The following RAB11FIP5 variants were observed in gnomAD, a reference collection of about 807,000 sequenced individuals.
RAB11FIP5 encodes rab11 family-interacting protein 5.
Under a neutral mutation model 85.1 loss-of-function variants are expected in RAB11FIP5, and 48 were observed. The ratio of observed to expected loss-of-function variants is 0.56; its 90% CI spans 0.45 to 0.72. The LOEUF (loss-of-function observed/expected upper bound fraction) is 0.72, where lower values mean the gene tolerates loss of function less well. Ranked by LOEUF, RAB11FIP5 falls within the 30% of genes least tolerant of loss-of-function variation. RAB11FIP5 has a pLI of 0.00. For synonymous variants in RAB11FIP5, 729 were observed against 727.3 expected (o/e 1.00, Z -0.04); for missense variants, 1,491 against 1,687.0 (o/e 0.88, Z 2.04).
At position 73,080,725 on chromosome 2, in the gene RAB11FIP5, T is replaced by C; in HGVS notation, c.2507A>G (p.Asp836Gly). ...AGCTGCAGGAGAAATGGTGACCACA[T>C]CCCAAGGCCAGGCATCATCAGCTGT... ...VETADDAWPWDVVTISPAAET... is the reference protein window; with the variant it reads ...VETADDAWPWGVVTISPAAET... Residue 836 changes from aspartate to glycine, a missense_variant, in exon 4 of 6, where the codon GAT becomes GGT. This residue lies in a region of RAB11FIP5 where 1,211 missense variants were observed against 1,338.0 expected (regional missense o/e 0.91). Transcript: ENST00000486777. 1 of 1,232,536 alleles carries C rather than the reference T, an allele frequency of 8.1e-7. No homozygotes were observed. Among genetic ancestry groups the C allele is most frequent in the Non-Finnish European group, 1.0e-6 (1 of 988,102 alleles). 76.3% of individuals were successfully genotyped at this position (1,232,536 alleles called of 1,614,324 possible). A position where few individuals can be genotyped will look rare whatever the true frequency, so the allele number is the denominator to read the frequency against.
At chr2:73,095,651 G>A (rs1207782247) in intron 1 of RAB11FIP5, among the ~76,000 whole-genome samples, 1 of 152,248 alleles carries the variant, frequency 6.6e-6, no homozygotes, top group Non-Finnish European at 1.5e-5. Flanking sequence ...GAGATGGTTT[G>A]TAAGTTGCCC....
chr2:73,076,082 C>G lies in RAB11FIP5; in HGVS notation c.3682G>C (p.Glu1228Gln). ...SLSIALSSGLEKLKTVTSGSI... is the reference protein window; with the variant it reads ...SLSIALSSGLQKLKTVTSGSI... ...CCAGATGTGACTGTTTTGAGCTTCT[C>G]CAGCCCACTGCTCAGGGCTATGCTC... The change falls in exon 5 of 6, where the codon GAG (glutamate) becomes CAG (glutamine). Residue 1228 changes from glutamate (E) to glutamine (Q), a missense_variant. Physicochemically the swap from Glu to Gln is conservative, Grantham distance 29. Around this residue, in one of 3 missense-constraint regions of RAB11FIP5, gnomAD observed 232 missense variants for 259.1 expected, o/e 0.90. Coordinates refer to ENST00000486777, the MANE Select transcript of RAB11FIP5 (RefSeq NM_001371272.1). 6.2e-7 allele frequency: 1 copy of G among 1,614,182 alleles called. No homozygotes were observed. The highest frequency in any genetic ancestry group is 8.5e-7 in the Non-Finnish European group (1 of 1,179,990).
chr2:73,076,671 GC>G (rs1683869819), intron 4 of RAB11FIP5, among the ~76,000 whole-genome samples: 1 of 152,156 alleles, frequency 6.6e-6, no homozygotes, highest in Non-Finnish European at 1.5e-5. Context: ...TGGTCAACCA[GC>G]TCTCTCTAGG....
At chr2:73,092,789 T>TGG (rs1460512415) in intron 1 of RAB11FIP5, among the ~76,000 whole-genome samples, 1 of 152,172 alleles carries the variant, frequency 6.6e-6, no homozygotes, top group Non-Finnish European at 1.5e-5. Context: ...AAATGGAGAA[T>TGG]GGCCAGGACC....
At chr2:73,106,910 C>A (rs529017204) in intron 1 of RAB11FIP5, among the ~76,000 whole-genome samples, 2 of 152,276 alleles carry the variant, frequency 1.3e-5, no homozygotes, top group South Asian at 4.1e-4. Flanking sequence ...CCCTCCCCAC[C>A]CTGCAGCTTC....
chr2:73,094,618 T>C (rs1023300283), intron 1 of RAB11FIP5, among the ~76,000 whole-genome samples: 3 of 152,176 alleles, frequency 2.0e-5, no homozygotes, highest in Non-Finnish European at 1.5e-5. Flanking sequence ...CCAGACCCCA[T>C]GTGGGAACCA....
rs760183105 is a variant in RAB11FIP5, at chr2:73,075,508, A to G, written c.*13T>C. 1.7e-5 allele frequency: 28 copies of G among 1,611,512 alleles called. No homozygotes were observed. The East Asian group carries it at 5.8e-4, about 33-fold the overall frequency. On this transcript the variant is annotated 3_prime_UTR_variant, in exon 6 of 6. Coordinates refer to ENST00000486777, the MANE Select transcript of RAB11FIP5 (RefSeq NM_001371272.1). The surrounding 1 kb of genome is among the most constrained non-coding windows in gnomAD (Gnocchi z 4.6). Reference sequence around the variant, plus strand: ...GGTCCATGCCAACCCTCCTGGGGGTAGGGTGAGGAAGGCTATTTGGGGGGG... The same window carrying G: ...GGTCCATGCCAACCCTCCTGGGGGTGGGGTGAGGAAGGCTATTTGGGGGGG...
At chr2:73,111,874 C>T (rs1020838732) in intron 1 of RAB11FIP5, among the ~76,000 whole-genome samples, 6 of 152,304 alleles carry the variant, frequency 3.9e-5, no homozygotes, top group African/African-American at 1.4e-4. Flanking sequence ...AATCAACATT[C>T]AACCTCGCCC....
At chr2:73,109,235 G>A in intron 1 of RAB11FIP5, among the ~76,000 whole-genome samples, 1 of 152,114 alleles carries the variant, frequency 6.6e-6, no homozygotes, top group East Asian at 1.9e-4. Flanking sequence ...TTATTTGGAA[G>A]CCTCTGGTGA....
intron 1 of RAB11FIP5, among the ~76,000 whole-genome samples, chr2:73,109,094 G>A (rs982881825): frequency 6.6e-5 from 10 of 152,056 alleles, no homozygotes; most frequent in Non-Finnish European, 1.3e-4. Flanking sequence ...AAAATAAATC[G>A]CAGAGAAGCA....
At chr2:73,093,654 A>T (rs1026383752) in intron 1 of RAB11FIP5, among the ~76,000 whole-genome samples, 27 of 152,128 alleles carry the variant, frequency 1.8e-4, no homozygotes, top group Non-Finnish European at 1.2e-4. Flanking sequence ...TCAGGTGGGG[A>T]CAACCATCCT....
Position 73,088,865 on chromosome 2 carries a change from C to A in RAB11FIP5, c.868+14G>T. 6.4e-7 allele frequency: 1 copy of A among 1,554,990 alleles called. No individual in the cohort carries two copies. The highest frequency in any genetic ancestry group is 2.3e-5 in the East Asian group (1 of 44,414). On this transcript the variant is annotated intron_variant, in intron 2 of 5. Coordinates refer to ENST00000486777, the MANE Select transcript of RAB11FIP5 (RefSeq NM_001371272.1). ...TGCCCCCCTCCCCAGGGCGGCGGCC[C>A]TGTGCTTGCTCACCCCCTTCAGTGG... is the stretch of plus-strand genomic sequence containing the variant.
intron 1 of RAB11FIP5, among the ~76,000 whole-genome samples, chr2:73,094,457 C>T (rs765049903): frequency 6.6e-6 from 1 of 152,258 alleles, no homozygotes; most frequent in Admixed American, 6.5e-5. Context: ...GCTGTAGCAC[C>T]CAAACCTGCT....
chr2:73,112,520 C>A lies in RAB11FIP5; in HGVS notation c.258G>T (p.Leu86=). 6.6e-7 allele frequency: 1 copy of A among 1,515,416 alleles called. No individual in the cohort carries two copies. Among genetic ancestry groups the A allele is most frequent in the South Asian group, 1.2e-5 (1 of 80,138 alleles). 93.9% of individuals were successfully genotyped at this position (1,515,416 alleles called of 1,614,324 possible). A position where few individuals can be genotyped will look rare whatever the true frequency, so the allele number is the denominator to read the frequency against. ...GGCCCGCGTCGGCCTCCTGCGCCCGCAGCAGGCCATCCAGGGCCCCCGGCG... is the reference window on the plus strand; with the variant it reads ...GGCCCGCGTCGGCCTCCTGCGCCCGAAGCAGGCCATCCAGGGCCCCCGGCG... ...ELPPGALDGL[L]RAQEADAGPA... The change falls in exon 1 of 6, where the codon CTG becomes CTT. Residue 86 remains leucine, a synonymous_variant. Transcript: ENST00000486777.
In RAB11FIP5 at chr2:73,089,019, G is replaced by A. The variant is rs1215495028; in HGVS notation, c.728C>T (p.Ser243Leu). Reference protein sequence around the residue: ...GFFLRNKLRKSSLTQSNTSLG... With the variant: ...GFFLRNKLRKLSLTQSNTSLG... ...CGAGGTGTTGGACTGGGTCAGGGACGACTTGCGCAGCTTGTTGCGGAGGAA... is the reference window on the plus strand; with the variant it reads ...CGAGGTGTTGGACTGGGTCAGGGACAACTTGCGCAGCTTGTTGCGGAGGAA... The change falls in exon 2 of 6, where the codon TCG (serine) becomes TTG (leucine). Residue 243 changes from serine to leucine, a missense_variant. Physicochemically the swap from Ser to Leu is moderately radical, Grantham distance 145. Transcript: ENST00000486777. The surrounding 1 kb of genome is among the most constrained non-coding windows in gnomAD (Gnocchi z 4.6). 6.2e-6 allele frequency: 10 copies of A among 1,614,106 alleles called. No homozygotes were observed. The East Asian group carries it at 1.1e-4, about 18-fold the overall frequency.
chr2:73,077,226 T>G (rs951434523), intron 4 of RAB11FIP5, among the ~76,000 whole-genome samples: 2 of 152,076 alleles, frequency 1.3e-5, no homozygotes, highest in Non-Finnish European at 2.9e-5. Context: ...CCGCCACACC[T>G]CCTCTGTGCT....
chr2:73,088,827 A>G, intron 2 of RAB11FIP5, 52 bp downstream of exon 2: 2 of 1,536,918 alleles, frequency 1.3e-6, no homozygotes, highest in South Asian at 1.3e-5. Context: ...TCACCACCCA[A>G]GGGGAGAGCC....
In RAB11FIP5 at chr2:73,112,607, C is replaced by T. The variant is rs766122683; in HGVS notation, c.171G>A (p.Thr57=). The change falls in exon 1 of 6, where the codon ACG becomes ACA. Residue 57 remains threonine, a synonymous_variant. Transcript: ENST00000486777. ...AGCCGTGCGTCTTCTCCACCACCGA[C>T]GTACTGTACTTCTCGCGGCCCACCT... ...VIQVGREKYS[T]SVVEKTHGCP... is the part of the protein sequence containing the mutation. The T allele has an allele frequency of 6.9e-6, 11 of 1,601,342 alleles. No individual in the cohort carries two copies. Among genetic ancestry groups the T allele is most frequent in the Admixed American group, 1.7e-5 (1 of 59,062 alleles).
intron 1 of RAB11FIP5, among the ~76,000 whole-genome samples, chr2:73,099,995 G>T (rs971701241): frequency 2.0e-5 from 3 of 152,196 alleles, no homozygotes; most frequent in Admixed American, 6.5e-5. Flanking sequence ...ACTTAGTCAA[G>T]ACAATTGAGC....
Sources: gnomAD v4.1 joint callset for allele counts (sites outside exome capture counted in the v4.1 genomes callset) on GRCh38, gnomAD v4.1.1 for gene constraint, gnomAD v4.1.1 regional missense constraint, Gnocchi (gnomAD v3.1) non-coding constraint, MANE v1.5 for transcripts, NCBI Gene and HGNC (gene_info 2026-07-23, HGNC 2026-07-21) for gene names.